Variants in UAP1 observed in about 807,000 individuals in gnomAD.
UAP1 encodes UDP-N-acetylglucosamine pyrophosphorylase 1.
In UAP1, 25 loss-of-function variants were observed where a neutral mutation model predicts 58.5. The observed-to-expected ratio is 0.43, with a 90% CI of 0.31 to 0.60. UAP1 has a LOEUF of 0.60. UAP1 is among the 20% of genes least tolerant of loss of function. The pLI, the probability that UAP1 is intolerant of heterozygous loss-of-function variation, is 0.11. For missense variants in UAP1, 575 were observed against 630.0 expected (o/e 0.91, Z 0.93); for synonymous variants, 208 against 213.0 (o/e 0.98, Z 0.21).
At chr1:162,576,897 C>G (rs1159382610) in exon 3 of UAP1, 4 of 1,613,994 alleles carry the variant, frequency 2.5e-6, no homozygotes, top group Non-Finnish European at 3.4e-6. Context: ...TCCCGTAAGA[C>G]ACTTTTTCAG....
chr1:162,579,174 TGAA>T (rs1408233964), intron 3 of UAP1, among the ~76,000 whole-genome samples: 4 of 152,214 alleles, frequency 2.6e-5, no homozygotes, highest in Admixed American at 1.3e-4. Context: ...TAGGTTCTCT[TGAA>T]GGAGGTGTGT....
At chr1:162,583,800 C>G (rs529439892) in intron 5 of UAP1, among the ~76,000 whole-genome samples, 1 of 151,928 alleles carries the variant, frequency 6.6e-6, no homozygotes, top group Non-Finnish European at 1.5e-5. Flanking sequence ...GTTAATTTTT[C>G]TGGGTCTTTT....
At chr1:162,566,081 G>A (rs1653473503) in exon 2 of UAP1, 1 of 1,611,592 alleles carries the variant, frequency 6.2e-7, no homozygotes, top group Admixed American at 1.7e-5. Context: ...GAACATTAAT[G>A]ACCTCAAACT....
intron 7 of UAP1, 45 bp from the exon 8 acceptor site, chr1:162,590,278 T>C: frequency 6.6e-7 from 1 of 1,510,744 alleles, no homozygotes. Context: ...AGAAGCTGTG[T>C]ATGCAGTTTC....
chr1:162,562,926 A>C (rs1284434828), intron 1 of UAP1, among the ~76,000 whole-genome samples: 1 of 152,180 alleles, frequency 6.6e-6, no homozygotes, highest in Non-Finnish European at 1.5e-5. Flanking sequence ...GAAATACTGG[A>C]TTTCTTTAAT....
rs765399117 is a variant in UAP1 at position 162,587,600 on chromosome 1, A to T, written c.960A>T (p.Arg320=). The T allele has an allele frequency of 2.5e-6, 4 of 1,614,140 alleles. No homozygotes were observed. The East Asian group carries it at 6.7e-5, about 27-fold the overall frequency. Residue 320 remains arginine, a synonymous_variant, in exon 6 of 11, where the codon CGA becomes CGT. Transcript: ENST00000271469. ...CTCAAAAACGAAGCTCAGACGGACG[A>T]CTGCTGTTCAATGCGGGGAACATTG...
At chr1:162,594,939 T>C (rs1056751021) in intron 9 of UAP1, among the ~76,000 whole-genome samples, 2 of 152,158 alleles carry the variant, frequency 1.3e-5, no homozygotes, top group African/African-American at 4.8e-5. Context: ...AAGAACATCA[T>C]GTAATTGTGA....
At chr1:162,592,875 G>T in intron 9 of UAP1, 93 bp downstream of exon 9, 1 of 1,165,154 alleles carries the variant, frequency 8.6e-7, no homozygotes, top group South Asian at 1.4e-5. Context: ...TGCCTTTTGG[G>T]GGTCTGGAGG....
At chr1:162,581,491 TG>T in intron 5 of UAP1, 32 bp downstream of exon 5, 1 of 1,599,678 alleles carries the variant, frequency 6.3e-7, no homozygotes, top group East Asian at 2.2e-5. Context: ...GTGAGGCTTT[TG>T]ATGGTCTTGC....
chr1:162,575,663 C>T (rs1170684355), intron 2 of UAP1, among the ~76,000 whole-genome samples: 2 of 149,794 alleles, frequency 1.3e-5, no homozygotes, highest in Non-Finnish European at 3.0e-5. Context: ...TCTGGAACTC[C>T]TGGCTTCATG....
intron 2 of UAP1, among the ~76,000 whole-genome samples, chr1:162,574,616 G>A (rs1654065237): frequency 6.6e-6 from 1 of 152,216 alleles, no homozygotes; most frequent in African/African-American, 2.4e-5. Context: ...TCTAATGAAA[G>A]TATGAAACTC....
intron 5 of UAP1, among the ~76,000 whole-genome samples, chr1:162,586,698 C>T (rs999161135): frequency 6.6e-6 from 1 of 152,126 alleles, no homozygotes; most frequent in African/African-American, 2.4e-5. Context: ...ACCAAAATCA[C>T]TTGTGAGGTT....
exon 2 of UAP1, chr1:162,566,141 C>T: frequency 6.2e-7 from 1 of 1,613,628 alleles, no homozygotes. Flanking sequence ...CTGGAATGAG[C>T]TTGAAGAAGC....
intron 1 of UAP1, among the ~76,000 whole-genome samples, chr1:162,565,227 A>G (rs1276997540): frequency 6.6e-6 from 1 of 152,290 alleles, no homozygotes; most frequent in East Asian, 1.9e-4. Context: ...GACAGCACCT[A>G]TCTCCTGTTG....
intron 7 of UAP1, among the ~76,000 whole-genome samples, chr1:162,589,176 T>TATA (rs1364896545): frequency 1.0e-5 from 1 of 95,978 alleles, no homozygotes; most frequent in African/African-American, 4.4e-5. Context: ...TATATAAATA[T>TATA]TATATATAAT....
chr1:162,565,071 G>GGGAGGCTGAGGCAGGAGAATCAC (rs1653404393), intron 1 of UAP1, among the ~76,000 whole-genome samples: 1 of 152,052 alleles, frequency 6.6e-6, no homozygotes, highest in Non-Finnish European at 1.5e-5. Context: ...GTTTTGCCAT[G>GGGAGGCTGAGGCAGGAGAATCAC]TTGCCCAGGT....
In UAP1 at chr1:162,563,691, A is replaced by G. The variant is rs948403770; in HGVS notation, c.-58+1914A>G. On this transcript the variant is annotated intron_variant, in intron 1 of 10. Coordinates refer to ENST00000271469, the Ensembl canonical transcript of UAP1. ...TGAGGTATCTTATTTGCATGGATTC[A>G]TTTTCCCAAGTGTCTGAAGGTGGAG... 5.3e-5 allele frequency among the ~76,000 whole-genome samples: 8 copies of G among 152,088 alleles called. No individual in the cohort carries two copies. In the South Asian group the frequency reaches 1.2e-3, roughly 24 times the overall value.
chr1:162,595,468 C>T (rs1297541943), intron 9 of UAP1, among the ~76,000 whole-genome samples: 1 of 151,960 alleles, frequency 6.6e-6, no homozygotes, highest in East Asian at 1.9e-4. Context: ...CTTTGAGTTG[C>T]CCCAGAAGGT....
intron 10 of UAP1, 26 bp downstream of exon 10, chr1:162,597,884 A>G (rs1655702061): frequency 2.5e-6 from 4 of 1,577,924 alleles, no homozygotes; most frequent in Non-Finnish European, 3.5e-6. Context: ...TTTTTCCTCT[A>G]TTCTTTTACA....
Sources: allele counts gnomAD v4.1 joint callset (sites outside exome capture counted in the v4.1 genomes callset), GRCh38; gene constraint gnomAD v4.1.1; transcripts MANE v1.5; gene names NCBI Gene and HGNC (gene_info 2026-07-23, HGNC 2026-07-21).